Variants in ATRX observed in about 807,000 individuals in gnomAD.
ATRX encodes the protein ATRX chromatin remodeler, also known as chromatin remodeler ATRX.
In ATRX, 12 loss-of-function variants were observed where a neutral mutation model predicts 172.6. That is an observed-to-expected ratio of 0.07 (90% CI 0.04 to 0.11). The LOEUF (loss-of-function observed/expected upper bound fraction) is 0.11, where lower values mean the gene tolerates loss of function less well. ATRX is among the 10% of genes least tolerant of loss of function. The probability of loss-of-function intolerance (pLI) is 1.00; values close to 1 mark genes in which losing one functional copy is unlikely to be tolerated. For synonymous variants in ATRX, 674 were observed against 594.7 expected (o/e 1.13, Z -1.94); for missense variants, 1,368 against 1,767.4 (o/e 0.77, Z 4.05).
chrX:77,511,253 C>G (rs1286771052), intron 34 of ATRX, among the ~76,000 whole-genome samples: 1 of 112,076 alleles, frequency 8.9e-6, no homozygotes, highest in East Asian at 2.8e-4. Context: ...GTTTGGGATG[C>G]CTTCTAATGC....
intron 22 of ATRX, among the ~76,000 whole-genome samples, chrX:77,608,664 G>A (rs1194943174): frequency 8.9e-6 from 1 of 111,860 alleles, no homozygotes; most frequent in Non-Finnish European, 1.9e-5. Flanking sequence ...AAACTCTACA[G>A]GACATTGGAC....
At chrX:77,620,560 A>T in intron 19 of ATRX, 28 bp from the exon 20 acceptor site, 2 of 1,135,839 alleles carry the variant, frequency 1.8e-6, no homozygotes, top group Non-Finnish European at 2.4e-6. Flanking sequence ...AAAATAACAC[A>T]ATTAATATAT....
At chrX:77,530,470 G>T (rs782202392) in intron 30 of ATRX, among the ~76,000 whole-genome samples, 1 of 110,604 alleles carries the variant, frequency 9.0e-6, no homozygotes, top group Non-Finnish European at 1.9e-5. Context: ...TTAGCCAGGC[G>T]TGGTGGCAGG....
chrX:77,573,578 A>G (rs1384152809), intron 28 of ATRX, among the ~76,000 whole-genome samples: 1 of 111,811 alleles, frequency 8.9e-6, no homozygotes, highest in East Asian at 2.8e-4. Context: ...ATAATTTATC[A>G]TTAGGGAATA....
intron 33 of ATRX, 77 bp from the exon 34 acceptor site, chrX:77,520,993 G>A (rs1037010558): frequency 1.0e-4 from 106 of 1,044,981 alleles, no homozygotes; most frequent in African/African-American, 1.5e-4. Context: ...TAAGATATTC[G>A]GGATTTCCCA....
chrX:77,697,651 A>C lies in ATRX; in HGVS notation c.190-16T>G. On this transcript the variant is annotated splice_polypyrimidine_tract_variant and intron_variant, in intron 3 of 34. Coordinates refer to ENST00000373344, the MANE Select transcript of ATRX (RefSeq NM_000489.6). ...AGCTAGTTCCCTAGATGTGAGACAT[A>C]AATATAAAAGTGAATAAAATTCTCG... is the stretch of plus-strand genomic sequence containing the variant. 1 of 1,201,021 alleles carries C rather than the reference A, an allele frequency of 8.3e-7. No individual in the cohort carries two copies. Among genetic ancestry groups the C allele is most frequent in the Non-Finnish European group, 1.1e-6 (1 of 886,991 alleles).
At chrX:77,608,244 C>A (rs1295821631) in intron 22 of ATRX, among the ~76,000 whole-genome samples, 3 of 108,783 alleles carry the variant, frequency 2.8e-5, no homozygotes, top group Non-Finnish European at 5.7e-5. Context: ...TGGTGGGTGC[C>A]TGTAGTCCCA....
chrX:77,536,082 C>T (rs1304227411), intron 30 of ATRX, among the ~76,000 whole-genome samples: 1 of 109,622 alleles, frequency 9.1e-6, no homozygotes, highest in Non-Finnish European at 1.9e-5. Context: ...CTATGTTACC[C>T]AGGCTGGAAT....
At chrX:77,616,025 C>T (rs2067343808) in intron 22 of ATRX, 1 of 753,916 alleles carries the variant, frequency 1.3e-6, no homozygotes, top group Non-Finnish European at 1.6e-6. Flanking sequence ...CACACACACA[C>T]ACACAAAAAG....
chrX:77,559,891 T>A (rs782586754), intron 28 of ATRX, among the ~76,000 whole-genome samples: 15 of 111,855 alleles, frequency 1.3e-4, no homozygotes, highest in Non-Finnish European at 2.3e-4. Context: ...GGAAAAACAA[T>A]CACAGTATTC....
At chrX:77,717,292 T>C in intron 1 of ATRX, 49 bp from the exon 2 acceptor site, 1 of 1,002,688 alleles carries the variant, frequency 1.0e-6, no homozygotes, top group Non-Finnish European at 1.4e-6. Context: ...TTTCATGTTT[T>C]AAATTAATTG....
At chrX:77,736,482 T>A (rs782595531) in intron 1 of ATRX, among the ~76,000 whole-genome samples, 2 of 112,375 alleles carry the variant, frequency 1.8e-5, no homozygotes, top group South Asian at 7.3e-4. Context: ...ACATCACTGA[T>A]CATCAGAGAA....
intron 19 of ATRX, among the ~76,000 whole-genome samples, chrX:77,632,902 A>C (rs782154830): frequency 1.8e-5 from 2 of 112,135 alleles, no homozygotes; most frequent in Admixed American, 1.9e-4. Context: ...TTATCACCTA[A>C]TATTTGGATA....
At position 77,508,170 on chromosome X, in the gene ATRX, C is replaced by T; in HGVS notation, c.*181G>A. ...AGAAGATTCTAGGCAACATCACTGACAAATGTCAGGAAGAAATGGTATGCC... is the reference window on the plus strand; with the variant it reads ...AGAAGATTCTAGGCAACATCACTGATAAATGTCAGGAAGAAATGGTATGCC... On this transcript the variant is annotated 3_prime_UTR_variant, in exon 35 of 35. Transcript: ENST00000373344. The T allele has an allele frequency of 2.1e-6, 1 of 484,509 alleles. No individual in the cohort carries two copies. The highest frequency in any genetic ancestry group is 3.5e-5 in the South Asian group (1 of 28,657). The allele number at this position is 484,509 out of a possible 1,213,427, so 39.9% of individuals were successfully genotyped here. A position where few individuals can be genotyped will look rare whatever the true frequency, so the allele number is the denominator to read the frequency against.
intron 27 of ATRX, among the ~76,000 whole-genome samples, chrX:77,588,071 C>T (rs1018465935): frequency 7.1e-5 from 8 of 111,976 alleles, no homozygotes; most frequent in Non-Finnish European, 1.3e-4. Context: ...ATTAGCACAG[C>T]GACTGACATA....
chrX:77,619,487 C>T (rs1409872653), intron 20 of ATRX, among the ~76,000 whole-genome samples: 1 of 109,797 alleles, frequency 9.1e-6, no homozygotes. Flanking sequence ...TCAGTTGGGG[C>T]TACACAAATA....
rs369201639 is a variant in ATRX at position 77,636,902 on chromosome X, GAAGAAGA to G, written c.4558-853_4558-847del. ...GAGGAGGAGGAAGAAGAAGAAAGAA[GAAGAAGA>G]AGGAAGAAGGAAGAAGGAAGGAGGA... On this transcript the variant is annotated intron_variant, in intron 15 of 34. Coordinates refer to ENST00000373344, the MANE Select transcript of ATRX (RefSeq NM_000489.6). 2.3e-3 allele frequency among the ~76,000 whole-genome samples: 230 copies of G among 100,046 alleles called. 2 individuals are homozygous for G. The highest frequency in any genetic ancestry group is 8.1e-3 in the African/African-American group (217 of 26,901). The allele number at this position is 100,046 out of a possible 115,157, so 86.9% of individuals were successfully genotyped here.
At chrX:77,593,223 C>T (rs1446395529) in intron 26 of ATRX, among the ~76,000 whole-genome samples, 4 of 84,286 alleles carry the variant, frequency 4.7e-5, no homozygotes, top group Non-Finnish European at 9.1e-5. Context: ...GACCCTGTCT[C>T]ATAATGAAAA....
At chrX:77,559,519 C>T (rs1420396637) in intron 28 of ATRX, among the ~76,000 whole-genome samples, 6 of 91,730 alleles carry the variant, frequency 6.5e-5, no homozygotes, top group Non-Finnish European at 1.0e-4. Flanking sequence ...AGTGCAATGG[C>T]GCAATCTCGA....
Sources: gnomAD v4.1 joint callset for allele counts (sites outside exome capture counted in the v4.1 genomes callset) on GRCh38, gnomAD v4.1.1 for gene constraint, MANE v1.5 for transcripts, NCBI Gene and HGNC (gene_info 2026-07-23, HGNC 2026-07-21) for gene names.